The following JMY variants were observed in gnomAD, a reference collection of about 807,000 sequenced individuals.
JMY encodes junction mediating and regulatory protein, p53 cofactor.
Under a neutral mutation model 103.3 loss-of-function variants are expected in JMY, and 46 were observed. That is an observed-to-expected ratio of 0.45 (90% CI 0.35 to 0.57). The LOEUF (loss-of-function observed/expected upper bound fraction) is 0.57. Ranked by LOEUF, JMY falls within the 20% of genes least tolerant of loss-of-function variation. JMY has a pLI of 0.00. For missense variants in JMY, 1,238 were observed against 1,255.2 expected (o/e 0.99, Z 0.21); for synonymous variants, 526 against 489.3 (o/e 1.07, Z -0.99).
chr5:79,253,882 G>T (rs1022631824), intron 1 of JMY, among the ~76,000 whole-genome samples: 3 of 151,502 alleles, frequency 2.0e-5, no homozygotes, highest in Non-Finnish European at 4.4e-5. Context: ...GCCCAGGCTG[G>T]TCTCGAAATA....
Position 79,290,265 on chromosome 5 carries a change from C to G in JMY, c.1351C>G (p.Gln451Glu). The G allele has an allele frequency of 6.8e-7, 1 of 1,470,182 alleles. No individual in the cohort carries two copies. Among genetic ancestry groups the G allele is most frequent in the Non-Finnish European group, 9.1e-7 (1 of 1,102,938 alleles). The allele number at this position is 1,470,182 out of a possible 1,614,324, so 91.1% of individuals were successfully genotyped here. Residue 451 changes from glutamine to glutamate, a missense_variant, in exon 3 of 11, where the codon CAA becomes GAA. Gln to Glu is a conservative substitution (Grantham distance 29, BLOSUM62 2). Transcript: ENST00000396137. Reference sequence around the variant, plus strand: ...GTACTTTGAAATAACAGCTAAAGCTCAAAAAGGTAGGTTTCTCAGTAAATT... The same window carrying G: ...GTACTTTGAAATAACAGCTAAAGCTGAAAAAGGTAGGTTTCTCAGTAAATT... ...VKYFEITAKAQKAVYDRMRAD... is the reference protein window; with the variant it reads ...VKYFEITAKAEKAVYDRMRAD...
rs569637559 is a variant in JMY at position 79,250,485 on chromosome 5, C to T, written c.1032+12803C>T. On this transcript the variant is annotated intron_variant, in intron 1 of 10. Transcript: ENST00000396137. ...TTTGTTTGTAGGCGTCCCAGACAAC[C>T]CTGATCACAATTGATTTGCAAATAT... Among the ~76,000 whole-genome samples, 3 of 152,116 alleles carry T rather than the reference C, an allele frequency of 2.0e-5. No homozygotes were observed. The East Asian group carries it at 5.8e-4, about 29-fold the overall frequency.
intron 2 of JMY, among the ~76,000 whole-genome samples, chr5:79,287,726 A>G (rs1746308724): frequency 6.6e-6 from 1 of 152,190 alleles, no homozygotes; most frequent in South Asian, 2.1e-4. Flanking sequence ...GCATTCGAGT[A>G]TTTCACCTTC....
At chr5:79,300,644 T>C in intron 5 of JMY, 32 bp from the exon 6 acceptor site, 1 of 1,539,548 alleles carries the variant, frequency 6.5e-7, no homozygotes, top group Non-Finnish European at 8.8e-7. Context: ...CCATATTCTT[T>C]ACCACTACTC....
chr5:79,298,696 C>G (rs1200126182), intron 4 of JMY, among the ~76,000 whole-genome samples: 3 of 152,224 alleles, frequency 2.0e-5, no homozygotes, highest in Admixed American at 2.0e-4. Context: ...CAAAGTACCA[C>G]TGTATTTAAT....
chr5:79,281,266 G>A lies in JMY; in HGVS notation c.1206+3183G>A, dbSNP rs184311093. Among the ~76,000 whole-genome samples, 846 of 151,196 alleles carry A rather than the reference G, an allele frequency of 5.6e-3. 9 individuals carry two copies. The highest frequency in any genetic ancestry group is 0.02 in the African/African-American group (811 of 41,196). ...TCACTGTGTTGGCCAGGATGGTCTCGATCTCCTGACCTCGTGATCCACCCA... is the reference window on the plus strand; with the variant it reads ...TCACTGTGTTGGCCAGGATGGTCTCAATCTCCTGACCTCGTGATCCACCCA... On this transcript the variant is annotated intron_variant, in intron 2 of 10. Coordinates refer to ENST00000396137, the MANE Select transcript of JMY (RefSeq NM_152405.5).
chr5:79,296,289 T>A (rs1284471987), intron 4 of JMY, among the ~76,000 whole-genome samples: 1 of 152,248 alleles, frequency 6.6e-6, no homozygotes, highest in Non-Finnish European at 1.5e-5. Context: ...TTTCCAGGAT[T>A]TCTGACATGT....
rs1746685154 is a variant in JMY, at chr5:79,300,039, T to C, written c.1528-114T>C. 4.6e-6 allele frequency: 3 copies of C among 651,356 alleles called. No individual in the cohort carries two copies. In the East Asian group the frequency reaches 8.9e-5, roughly 19 times the overall value. The allele number at this position is 651,356 out of a possible 1,614,324, so 40.3% of individuals were successfully genotyped here. On this transcript the variant is annotated intron_variant, in intron 4 of 10. Coordinates refer to ENST00000396137, the MANE Select transcript of JMY (RefSeq NM_152405.5). ...GATTCCATGCCTACAAGTTTCTTTC[T>C]GAGAGGAATTACTTAATAGGTTTAT...
intron 1 of JMY, among the ~76,000 whole-genome samples, chr5:79,264,649 C>G (rs1745528710): frequency 6.6e-6 from 1 of 152,174 alleles, no homozygotes; most frequent in Non-Finnish European, 1.5e-5. Context: ...GACCCATGCA[C>G]TGGAGATAAG....
intron 1 of JMY, among the ~76,000 whole-genome samples, chr5:79,244,658 A>AT (rs369361981): frequency 0.3 from 43,302 of 142,972 alleles, 7,238 homozygotes; most frequent in South Asian, 0.48. Context: ...ATGTGTGCCT[A>AT]TTTTTTTTTT....
chr5:79,318,045 AGGGT>A (rs1244935383), intron 10 of JMY, among the ~76,000 whole-genome samples: 1 of 152,212 alleles, frequency 6.6e-6, no homozygotes, highest in Admixed American at 6.5e-5. Context: ...TCTCTCACCC[AGGGT>A]GGAGTGCAGT....
chr5:79,318,636 A>G (rs892942897), intron 10 of JMY, among the ~76,000 whole-genome samples: 2 of 152,062 alleles, frequency 1.3e-5, no homozygotes, highest in African/African-American at 2.4e-5. Flanking sequence ...CCTATTATGT[A>G]TACAGTTACA....
intron 4 of JMY, among the ~76,000 whole-genome samples, chr5:79,297,791 T>C (rs1268402954): frequency 6.6e-6 from 1 of 152,196 alleles, no homozygotes; most frequent in Non-Finnish European, 1.5e-5. Context: ...TGGTTATCTT[T>C]AGACCACAGC....
At chr5:79,244,452 G>C (rs1561287257) in intron 1 of JMY, among the ~76,000 whole-genome samples, 1 of 152,108 alleles carries the variant, frequency 6.6e-6, no homozygotes, top group African/African-American at 2.4e-5. Context: ...TGGGAAAATT[G>C]GTTTGTCAAA....
At position 79,302,710 on chromosome 5, in the gene JMY, A is replaced by G. The variant is rs145574984; in HGVS notation, c.1881+1847A>G. ...AACAAGCCTGAGCTTTGTCTGTAGT[A>G]TAAGTTAAGCAAAGGGGTAGTATGA... is the stretch of plus-strand genomic sequence containing the variant. On this transcript the variant is annotated intron_variant, in intron 6 of 10. Transcript: ENST00000396137. 2.2e-3 allele frequency among the ~76,000 whole-genome samples: 340 copies of G among 152,348 alleles called. 1 individual carries two copies. The highest frequency in any genetic ancestry group is 4.0e-3 in the Non-Finnish European group (269 of 68,026).
At chr5:79,246,979 A>G (rs1744924857) in intron 1 of JMY, among the ~76,000 whole-genome samples, 1 of 152,186 alleles carries the variant, frequency 6.6e-6, no homozygotes, top group African/African-American at 2.4e-5. Flanking sequence ...GTATCTACCT[A>G]AGAGATAAGG....
chr5:79,278,127 G>A lies in JMY; in HGVS notation c.1206+44G>A, dbSNP rs764203625. ...TAACTAGTAGCCTGCCTGTTTCATA[G>A]TTCTCAGCCTGAAAGGCCATGCGTT... On this transcript the variant is annotated intron_variant, in intron 2 of 10. Transcript: ENST00000396137. The A allele has an allele frequency of 3.5e-6, 5 of 1,438,386 alleles. 1 individual carries two copies. In the South Asian group the frequency reaches 3.9e-5, roughly 11 times the overall value. 89.1% of individuals were successfully genotyped at this position (1,438,386 alleles called of 1,614,324 possible).
intron 2 of JMY, chr5:79,284,326 CT>C: frequency 7.1e-7 from 1 of 1,406,192 alleles, no homozygotes. Context: ...ATTGGCAAGC[CT>C]TTTCTATGTC....
chr5:79,249,759 C>A (rs758902637), intron 1 of JMY, among the ~76,000 whole-genome samples: 3 of 152,126 alleles, frequency 2.0e-5, no homozygotes, highest in Non-Finnish European at 4.4e-5. Flanking sequence ...TAAATTTCAT[C>A]GTATTTTCAG....
Sources: gnomAD v4.1 joint callset for allele counts (sites outside exome capture counted in the v4.1 genomes callset) on GRCh38, gnomAD v4.1.1 for gene constraint, MANE v1.5 for transcripts, NCBI Gene and HGNC (gene_info 2026-07-23, HGNC 2026-07-21) for gene names.